Variants in PSMA1 observed in about 807,000 individuals in gnomAD.
PSMA1 encodes proteasome 20S subunit alpha 1.
A neutral mutation model predicts 38.4 loss-of-function variants in PSMA1; 3 were observed. That is an observed-to-expected ratio of 0.08 (90% CI 0.04 to 0.20). The LOEUF (loss-of-function observed/expected upper bound fraction) is 0.20, where lower values mean the gene tolerates loss of function less well. Ranked by LOEUF, PSMA1 falls within the 10% of genes least tolerant of loss-of-function variation. PSMA1 has a pLI of 1.00. For synonymous variants in PSMA1, 101 were observed against 107.1 expected (o/e 0.94, Z 0.35); for missense variants, 227 against 325.3 (o/e 0.70, Z 2.32).
At chr11:14,566,090 A>G (rs1413033142) in intron 2 of PSMA1, among the ~76,000 whole-genome samples, 2 of 152,226 alleles carry the variant, frequency 1.3e-5, no homozygotes, top group Non-Finnish European at 2.9e-5. Context: ...GAAGTGAGCA[A>G]GGGAAAGTGG....
chr11:14,518,105 CT>C (rs879358641), intron 2 of PSMA1, 124 bp from the exon 3 acceptor site: 73,602 of 504,510 alleles, frequency 0.15, 25 homozygotes, highest in South Asian at 0.22. Flanking sequence ...ATCAAGAGAC[CT>C]TTTTTTTTTT....
At chr11:14,599,348 C>T (rs1852548266) in intron 2 of PSMA1, among the ~76,000 whole-genome samples, 1 of 152,160 alleles carries the variant, frequency 6.6e-6, no homozygotes, top group Admixed American at 6.5e-5. Context: ...AACTTGGCTC[C>T]ATTCTCCCCG....
At chr11:14,572,789 G>A (rs2597211) in intron 2 of PSMA1, among the ~76,000 whole-genome samples, 17,563 of 152,082 alleles carry the variant, frequency 0.12, 1,243 homozygotes, top group African/African-American at 0.2. Context: ...AAGAAGAAAA[G>A]AGAGAAGAAT....
intron 2 of PSMA1, among the ~76,000 whole-genome samples, chr11:14,536,987 G>A (rs960925241): frequency 2.6e-5 from 4 of 152,158 alleles, no homozygotes; most frequent in Non-Finnish European, 5.9e-5. Context: ...GAGTGGCAAC[G>A]GCAACAAGAG....
intron 2 of PSMA1, among the ~76,000 whole-genome samples, chr11:14,588,287 AATGGC>A (rs1852372607): frequency 6.6e-6 from 1 of 152,212 alleles, no homozygotes; most frequent in South Asian, 2.1e-4. Context: ...GGGCTGAGGG[AATGGC>A]ATGAACTAAA....
At chr11:14,634,794 A>G (rs1444558121) in intron 1 of PSMA1, among the ~76,000 whole-genome samples, 1 of 152,234 alleles carries the variant, frequency 6.6e-6, no homozygotes, top group Non-Finnish European at 1.5e-5. Flanking sequence ...TTATATCCCA[A>G]TAAGTAAACA....
At chr11:14,573,898 G>C (rs1257838782) in intron 2 of PSMA1, among the ~76,000 whole-genome samples, 1 of 152,152 alleles carries the variant, frequency 6.6e-6, no homozygotes, top group Non-Finnish European at 1.5e-5. Context: ...CCCTGCTCTA[G>C]ACATCTGTGG....
rs75605281 is a variant in PSMA1 at position 14,634,501 on chromosome 11, CT to C, written c.-166+8953del. Reference sequence around the variant, plus strand: ...CACTTAATTCTTCGTAAAATTTAGGCTTTTTTTTTTTTTAAGTGATTTTTGT... The same window carrying C: ...CACTTAATTCTTCGTAAAATTTAGGCTTTTTTTTTTTTAAGTGATTTTTGT... On this transcript the variant is annotated intron_variant, in intron 1 of 10. Coordinates refer to the PSMA1 transcript ENST00000418988. 3.8e-3 allele frequency among the ~76,000 whole-genome samples: 534 copies of C among 140,414 alleles called. 1 individual carries two copies. Among genetic ancestry groups the C allele is most frequent in the East Asian group, 5.5e-3 (27 of 4,890 alleles). The allele number at this position is 140,414 out of a possible 152,430, so 92.1% of individuals were successfully genotyped here. A position where few individuals can be genotyped will look rare whatever the true frequency, so the allele number is the denominator to read the frequency against.
chr11:14,589,244 C>T (rs905034606), intron 2 of PSMA1, among the ~76,000 whole-genome samples: 3 of 151,962 alleles, frequency 2.0e-5, no homozygotes, highest in Non-Finnish European at 4.4e-5. Context: ...TCTTTTTCCC[C>T]ATAGCACTTA....
intron 2 of PSMA1, among the ~76,000 whole-genome samples, chr11:14,608,292 A>T (rs1565057369): frequency 1.3e-5 from 2 of 152,030 alleles, no homozygotes; most frequent in Non-Finnish European, 2.9e-5. Context: ...TGGAGGCTGC[A>T]GTGAGCTATG....
intron 1 of PSMA1, among the ~76,000 whole-genome samples, chr11:14,637,250 A>G (rs1038832477): frequency 6.6e-6 from 1 of 152,136 alleles, no homozygotes; most frequent in African/African-American, 2.4e-5. Context: ...TGGCTTTGCA[A>G]TACTGTTCTT....
chr11:14,509,912 A>AC (rs2134142862), intron 8 of PSMA1, among the ~76,000 whole-genome samples: 1 of 151,444 alleles, frequency 6.6e-6, no homozygotes, highest in Admixed American at 6.6e-5. Context: ...TTTAGTAGAG[A>AC]TGGGGTTTCA....
chr11:14,622,657 C>T (rs770677597), intron 1 of PSMA1, among the ~76,000 whole-genome samples: 2 of 152,164 alleles, frequency 1.3e-5, no homozygotes, highest in African/African-American at 4.8e-5. Flanking sequence ...AATGAAGTGG[C>T]TGGTAGGCCT....
rs535659699 is a variant in PSMA1, at chr11:14,518,668, G to T, written c.48+329C>A. Among the ~76,000 whole-genome samples, 10 of 152,138 alleles carry T rather than the reference G, an allele frequency of 6.6e-5. 1 individual carries two copies. The South Asian group carries it at 2.1e-3, about 32-fold the overall frequency. ...GCTCAACCTACATATTTGCTACTTT[G>T]TATCTCCTCTTTTTTCCTCCCCACT... On this transcript the variant is annotated intron_variant, in intron 2 of 9. Transcript: ENST00000396394.
chr11:14,589,947 T>G (rs1184111376), intron 2 of PSMA1, among the ~76,000 whole-genome samples: 1 of 152,142 alleles, frequency 6.6e-6, no homozygotes, highest in Non-Finnish European at 1.5e-5. Flanking sequence ...GGAGCACAAG[T>G]GTTCACTGAT....
upstream of PSMA1, among the ~76,000 whole-genome samples, chr11:14,523,088 G>A (rs1394422138): frequency 2.0e-5 from 3 of 152,130 alleles, no homozygotes; most frequent in Non-Finnish European, 4.4e-5. Context: ...CACAGCAATT[G>A]TCTGTACTCT....
At chr11:14,550,744 A>G (rs764033401) in intron 2 of PSMA1, among the ~76,000 whole-genome samples, 1 of 150,380 alleles carries the variant, frequency 6.6e-6, no homozygotes, top group Non-Finnish European at 1.5e-5. Context: ...TAATTTTTTT[A>G]CGGGAAAATA....
chr11:14,541,341 T>C (rs867325422), intron 2 of PSMA1, among the ~76,000 whole-genome samples: 46 of 152,320 alleles, frequency 3.0e-4, no homozygotes, highest in African/African-American at 1.0e-3. Flanking sequence ...CTGTCCTCTG[T>C]CCCTTGACCC....
exon 2 of PSMA1, chr11:14,611,151 C>A: frequency 3.2e-6 from 2 of 619,498 alleles, no homozygotes; most frequent in Non-Finnish European, 5.8e-6. Context: ...GGGTGGAATA[C>A]CTGAAAGACA....
Sources: gnomAD v4.1 joint callset for allele counts (sites outside exome capture counted in the v4.1 genomes callset) on GRCh38, gnomAD v4.1.1 for gene constraint, MANE v1.5 for transcripts, NCBI Gene and HGNC (gene_info 2026-07-23, HGNC 2026-07-21) for gene names.